Variants in SMC5 observed in about 807,000 individuals in gnomAD.
The protein encoded by SMC5 is structural maintenance of chromosomes 5.
In SMC5, 88 loss-of-function variants were observed where a neutral mutation model predicts 148.3. The ratio of observed to expected loss-of-function variants is 0.59; its 90% CI spans 0.50 to 0.71. The LOEUF (loss-of-function observed/expected upper bound fraction) is 0.71. Among genes scored for constraint, SMC5 ranks in the 30% least tolerant of loss-of-function variants. The pLI, the probability that SMC5 is intolerant of heterozygous loss-of-function variation, is 0.00. For synonymous variants in SMC5, 421 were observed against 432.8 expected (o/e 0.97, Z 0.34); for missense variants, 1,142 against 1,298.9 (o/e 0.88, Z 1.86).
intron 7 of SMC5, 117 bp downstream of exon 7, chr9:70,282,700 T>A: frequency 9.5e-7 from 1 of 1,055,914 alleles, no homozygotes. Context: ...ATTTCTTAAG[T>A]TTTTTAACCA....
chr9:70,262,093 G>A (rs561343690), intron 1 of SMC5, among the ~76,000 whole-genome samples: 7 of 152,264 alleles, frequency 4.6e-5, no homozygotes, highest in East Asian at 1.9e-4. Context: ...AGAAAGATGC[G>A]CTTAGAGAAT....
intron 12 of SMC5, among the ~76,000 whole-genome samples, chr9:70,315,170 A>C (rs2035762627): frequency 6.6e-6 from 1 of 152,042 alleles, no homozygotes. Flanking sequence ...TTATAAAATA[A>C]TTATAAGTAA....
chr9:70,344,443 G>A (rs967171391), intron 18 of SMC5, 174 bp downstream of exon 18: 1 of 275,180 alleles, frequency 3.6e-6, no homozygotes, highest in Non-Finnish European at 6.7e-6. Flanking sequence ...TTGCTTAAGA[G>A]ATCAATGGTA....
chr9:70,339,352 C>T (rs1292876338), intron 17 of SMC5, among the ~76,000 whole-genome samples: 1 of 151,404 alleles, frequency 6.6e-6, no homozygotes, highest in African/African-American at 2.4e-5. Context: ...TGGCGTGAAT[C>T]TGGGAGGCGG....
chr9:70,259,307 G>T, intron 1 of SMC5, 44 bp downstream of exon 1: 1 of 1,511,620 alleles, frequency 6.6e-7, no homozygotes, highest in Non-Finnish European at 8.9e-7. Flanking sequence ...AGGTGTGCTG[G>T]CCAGCAGGCC....
At position 70,324,016 on chromosome 9, in the gene SMC5, C is replaced by T. The variant is rs370662041; in HGVS notation, c.2275-5C>T. 6.5e-7 allele frequency: 1 copy of T among 1,540,742 alleles called. No homozygotes were observed. Among genetic ancestry groups the T allele is most frequent in the Non-Finnish European group, 8.7e-7 (1 of 1,151,694 alleles). ...AAATTAACTCTTAGGGGTTTTTGTT[C>T]CTAGATTTGTACTTCTTTGCATATA... is the stretch of plus-strand genomic sequence containing the variant. On this transcript the variant is annotated splice_region_variant and splice_polypyrimidine_tract_variant and intron_variant, in intron 16 of 24. Coordinates refer to ENST00000361138, the MANE Select transcript of SMC5 (RefSeq NM_015110.4).
intron 17 of SMC5, among the ~76,000 whole-genome samples, chr9:70,343,837 G>GTAAA (rs1002398391): frequency 4.6e-5 from 7 of 151,768 alleles, no homozygotes; most frequent in African/African-American, 9.7e-5. Context: ...AAATAAATAA[G>GTAAA]TAAATAAATA....
rs2036853264 is a variant in SMC5, at chr9:70,353,882, C to T, written c.*1551C>T. The T allele has an allele frequency of 2.0e-5, 3 of 152,230 alleles. No homozygotes were observed. The highest frequency in any genetic ancestry group is 7.2e-5 in the African/African-American group (3 of 41,532). The allele number at this position is 152,230 out of a possible 1,614,324, so 9.4% of individuals were successfully genotyped here. A position where few individuals can be genotyped will look rare whatever the true frequency, so the allele number is the denominator to read the frequency against. ...TTTCATCGTTAATTACTTTGCGTTC[C>T]ACCAAAATATCTTTACTAAAATGTG... On this transcript the variant is annotated 3_prime_UTR_variant, in exon 25 of 25. Coordinates refer to ENST00000361138, the MANE Select transcript of SMC5 (RefSeq NM_015110.4).
At chr9:70,273,559 A>T (rs899711817) in intron 3 of SMC5, among the ~76,000 whole-genome samples, 3 of 152,052 alleles carry the variant, frequency 2.0e-5, no homozygotes, top group Admixed American at 6.6e-5. Flanking sequence ...TTATTGCACT[A>T]ATTTTTAGTC....
chr9:70,269,252 C>T (rs1278921055), intron 3 of SMC5, among the ~76,000 whole-genome samples: 2 of 151,992 alleles, frequency 1.3e-5, no homozygotes, highest in Non-Finnish European at 2.9e-5. Flanking sequence ...AATGGAGGTG[C>T]GTGATACGTT....
chr9:70,345,920 A>G (rs2036655738), intron 18 of SMC5, among the ~76,000 whole-genome samples: 2 of 152,140 alleles, frequency 1.3e-5, no homozygotes, highest in Admixed American at 6.6e-5. Context: ...CACTGAAGAG[A>G]GAGAGGGAGA....
chr9:70,335,263 A>G (rs2036328440), intron 17 of SMC5, among the ~76,000 whole-genome samples: 1 of 152,198 alleles, frequency 6.6e-6, no homozygotes, highest in Non-Finnish European at 1.5e-5. Flanking sequence ...AGGCCAAGGC[A>G]GGAGAATCAT....
In SMC5 at chr9:70,314,836, A is replaced by C. The variant is rs565461607; in HGVS notation, c.1673A>C (p.Lys558Thr). 39 of 1,498,700 alleles carry C rather than the reference A, an allele frequency of 2.6e-5. No individual in the cohort carries two copies. In the South Asian group the frequency reaches 4.9e-4, roughly 19 times the overall value. The allele number at this position is 1,498,700 out of a possible 1,614,324, so 92.8% of individuals were successfully genotyped here. A position where few individuals can be genotyped will look rare whatever the true frequency, so the allele number is the denominator to read the frequency against. ...CCTTCAAGATCTTTGAATGAACTTA[A>C]GTAAGTCTTGAAAATACTAAGATTT... ...KAPSRSLNEL[K>T]QYGFFSYLRE... The change falls in exon 12 of 25, where the codon AAA becomes ACA. Residue 558 changes from lysine to threonine, a missense_variant and splice_region_variant. Lys to Thr is a moderately conservative substitution (Grantham distance 78). Coordinates refer to ENST00000361138, the MANE Select transcript of SMC5 (RefSeq NM_015110.4).
intron 13 of SMC5, 152 bp downstream of exon 13, chr9:70,315,730 A>C (rs1173157053): frequency 2.1e-5 from 12 of 565,574 alleles, no homozygotes; most frequent in Non-Finnish European, 3.3e-5. Context: ...ATTATTTTCC[A>C]TATGACATGA....
intron 8 of SMC5, among the ~76,000 whole-genome samples, chr9:70,294,834 TATGTTTAAGTCAC>T (rs1447388840): frequency 6.6e-6 from 1 of 152,152 alleles, no homozygotes; most frequent in African/African-American, 2.4e-5. Context: ...TTTCTGTAGA[TATGTTTAAGTCAC>T]ATGATGACAG....
rs1281541985 is a variant in SMC5, at chr9:70,352,344, G to C, written c.*13G>C. ...TCAACCTTCTTAATAAAAGTAAAGA[G>C]AGGGAACTTGGGAATTTTTTTTGTT... On this transcript the variant is annotated 3_prime_UTR_variant, in exon 25 of 25. Coordinates refer to ENST00000361138, the MANE Select transcript of SMC5 (RefSeq NM_015110.4). 6.4e-7 allele frequency: 1 copy of C among 1,574,100 alleles called. No individual in the cohort carries two copies. Among genetic ancestry groups the C allele is most frequent in the African/African-American group, 1.4e-5 (1 of 72,852 alleles).
At position 70,259,020 on chromosome 9, in the gene SMC5, G is replaced by C. The variant is rs919151573; in HGVS notation, c.-59G>C. 6.6e-7 allele frequency: 1 copy of C among 1,510,338 alleles called. No individual in the cohort carries two copies. The highest frequency in any genetic ancestry group is 1.3e-5 in the South Asian group (1 of 77,116). The allele number at this position is 1,510,338 out of a possible 1,614,324, so 93.6% of individuals were successfully genotyped here. A position where few individuals can be genotyped will look rare whatever the true frequency, so the allele number is the denominator to read the frequency against. On this transcript the variant is annotated 5_prime_UTR_variant, in exon 1 of 25. Coordinates refer to ENST00000361138, the MANE Select transcript of SMC5 (RefSeq NM_015110.4). ...GGCGCCTGGGTGGATGGGCGCTTGG[G>C]CGCCTGGGCTGCCGGACGGTGGGAA...
chr9:70,323,046 C>A (rs2035988559), intron 15 of SMC5, among the ~76,000 whole-genome samples: 1 of 152,108 alleles, frequency 6.6e-6, no homozygotes, highest in Non-Finnish European at 1.5e-5. Context: ...TTGTTGCTTC[C>A]ATCCTTTGTT....
At chr9:70,269,100 T>G (rs2034374348) in intron 3 of SMC5, among the ~76,000 whole-genome samples, 1 of 152,198 alleles carries the variant, frequency 6.6e-6, no homozygotes, top group African/African-American at 2.4e-5. Context: ...GAAACGTTCT[T>G]TTATAAAAAA....
Sources: gnomAD v4.1 joint callset for allele counts (sites outside exome capture counted in the v4.1 genomes callset) on GRCh38, gnomAD v4.1.1 for gene constraint, MANE v1.5 for transcripts, NCBI Gene and HGNC (gene_info 2026-07-23, HGNC 2026-07-21) for gene names.